Variants in ADAMTS16 observed in about 807,000 individuals in gnomAD.
The protein encoded by ADAMTS16 is ADAM metallopeptidase with thrombospondin type 1 motif 16.
In ADAMTS16, 94 loss-of-function variants were observed where a neutral mutation model predicts 145.8. The ratio of observed to expected loss-of-function variants is 0.64; its 90% CI spans 0.55 to 0.77. The LOEUF (loss-of-function observed/expected upper bound fraction) is 0.77, where lower values mean the gene tolerates loss of function less well. ADAMTS16 is among the 30% of genes least tolerant of loss of function. The pLI is 0.00. For synonymous variants in ADAMTS16, 659 were observed against 604.3 expected (o/e 1.09, Z -1.33); for missense variants, 1,585 against 1,591.5 (o/e 1.00, Z 0.07).
In ADAMTS16 at chr5:5,303,451, C is replaced by A; in HGVS notation, c.2973C>A (p.Ser991Arg). The A allele has an allele frequency of 6.2e-7, 1 of 1,610,700 alleles. No individual in the cohort carries two copies. Among genetic ancestry groups the A allele is most frequent in the Non-Finnish European group, 8.5e-7 (1 of 1,178,258 alleles). ...CTCAGAGCTGCCCACCTGCATGGAG[C>A]GCCGGGCCCTGGGCAGAGGTAACCA... ...CNSQSCPPAW[S>R]AGPWAECSHT... Residue 991 changes from serine (S) to arginine (R), a missense_variant, in exon 19 of 23, where the codon AGC becomes AGA. By Grantham distance (110) the Ser-to-Arg change is moderately radical. Coordinates refer to ENST00000274181, the MANE Select transcript of ADAMTS16 (RefSeq NM_139056.4).
chr5:5,239,429 T>G (rs1426928255), intron 15 of ADAMTS16, among the ~76,000 whole-genome samples, 155 bp downstream of exon 15: 1 of 152,174 alleles, frequency 6.6e-6, no homozygotes, highest in Non-Finnish European at 1.5e-5. Context: ...GCCTCTTGCT[T>G]TGATTGGAAG....
At chr5:5,148,790 C>T (rs1734368860) in intron 3 of ADAMTS16, among the ~76,000 whole-genome samples, 1 of 152,136 alleles carries the variant, frequency 6.6e-6, no homozygotes, top group East Asian at 1.9e-4. Context: ...GCCTAGCAGA[C>T]CTGGGCCCCA....
intron 22 of ADAMTS16, among the ~76,000 whole-genome samples, chr5:5,318,504 C>T (rs1734148506): frequency 6.6e-6 from 1 of 152,184 alleles, no homozygotes; most frequent in African/African-American, 2.4e-5. Context: ...AGCGTGACTT[C>T]TTTCCTATAT....
chr5:5,140,625 C>T (rs1197494997), intron 1 of ADAMTS16, 39 bp from the exon 2 acceptor site: 1 of 1,529,150 alleles, frequency 6.5e-7, no homozygotes. Context: ...TCCCGCGGAC[C>T]CCGCCGTCTC....
chr5:5,270,078 G>A (rs1364391999), intron 18 of ADAMTS16, among the ~76,000 whole-genome samples: 1 of 152,194 alleles, frequency 6.6e-6, no homozygotes, highest in Non-Finnish European at 1.5e-5. Flanking sequence ...GGGAAACTTT[G>A]AGACAATACA....
At chr5:5,152,299 C>T (rs540941727) in intron 3 of ADAMTS16, among the ~76,000 whole-genome samples, 2 of 152,308 alleles carry the variant, frequency 1.3e-5, no homozygotes, top group African/African-American at 4.8e-5. Flanking sequence ...GAGCAGAGCT[C>T]CGGTGGGGAT....
intron 20 of ADAMTS16, among the ~76,000 whole-genome samples, chr5:5,304,978 CACATCCTACACCACACACACACACACAT>C (rs1739978408): frequency 7.1e-6 from 1 of 140,690 alleles, no homozygotes; most frequent in African/African-American, 2.7e-5. Context: ...CACACACACA[CACATCCTACACCACACACACACACACAT>C]CCCACACCAC....
intron 18 of ADAMTS16, among the ~76,000 whole-genome samples, chr5:5,296,281 G>C (rs1304696854): frequency 1.3e-5 from 2 of 152,202 alleles, no homozygotes; most frequent in African/African-American, 4.8e-5. Context: ...TGCAGGACCA[G>C]ACAGCCTGCT....
rs1167346758 is a variant in ADAMTS16 at position 5,215,783 on chromosome 5, ATATATATGTG to A, written c.1605+6539_1605+6548del. Among the ~76,000 whole-genome samples the A allele has an allele frequency of 6.3e-4, 29 of 46,184 alleles. No individual in the cohort carries two copies. In the South Asian group the frequency reaches 6.6e-3, roughly 11 times the overall value. 30.3% of individuals were successfully genotyped at this position (46,184 alleles called of 152,430 possible). Reference sequence around the variant, plus strand: ...TATGTATGTGGTATATATATATGGTATATATATGTGTGGTATATATATGTGTGGTATATAT... The same window carrying A: ...TATGTATGTGGTATATATATATGGTATGGTATATATATGTGTGGTATATAT... On this transcript the variant is annotated intron_variant, in intron 10 of 22. Transcript: ENST00000274181.
chr5:5,213,299 G>A lies in ADAMTS16; in HGVS notation c.1605+4053G>A, dbSNP rs555502262. 1.1e-4 allele frequency among the ~76,000 whole-genome samples: 16 copies of A among 152,168 alleles called. No individual in the cohort carries two copies. In the East Asian group the frequency reaches 3.1e-3, roughly 29 times the overall value. On this transcript the variant is annotated intron_variant, in intron 10 of 22. Coordinates refer to ENST00000274181, the MANE Select transcript of ADAMTS16 (RefSeq NM_139056.4). ...AGAACTTCCTTTAGCATTTATTCTAGCACGTATCTGCTAGCCACAAATTAT... is the reference window on the plus strand; with the variant it reads ...AGAACTTCCTTTAGCATTTATTCTAACACGTATCTGCTAGCCACAAATTAT...
At chr5:5,244,950 T>G (rs1737396177) in intron 17 of ADAMTS16, among the ~76,000 whole-genome samples, 1 of 152,210 alleles carries the variant, frequency 6.6e-6, no homozygotes, top group Non-Finnish European at 1.5e-5. Context: ...TTTCCCCCAA[T>G]AGTCTTAACT....
At chr5:5,284,750 A>G (rs1408210742) in intron 18 of ADAMTS16, among the ~76,000 whole-genome samples, 1 of 152,178 alleles carries the variant, frequency 6.6e-6, no homozygotes, top group Non-Finnish European at 1.5e-5. Context: ...CTTCCAGAAT[A>G]TTTTTAAAAT....
At chr5:5,166,864 C>T (rs891957904) in intron 3 of ADAMTS16, among the ~76,000 whole-genome samples, 1 of 152,164 alleles carries the variant, frequency 6.6e-6, no homozygotes, top group African/African-American at 2.4e-5. Context: ...CAGTGGCTGC[C>T]ACGTGGAACT....
At chr5:5,236,284 C>G (rs917427713) in intron 13 of ADAMTS16, among the ~76,000 whole-genome samples, 1 of 140,074 alleles carries the variant, frequency 7.1e-6, no homozygotes, top group Admixed American at 7.7e-5. Context: ...AAATTTTCAT[C>G]ATTAATTGTC....
chr5:5,198,956 C>A (rs1292517619), intron 8 of ADAMTS16, among the ~76,000 whole-genome samples: 2 of 152,174 alleles, frequency 1.3e-5, no homozygotes, highest in African/African-American at 4.8e-5. Context: ...CTGCATCTCA[C>A]CACATGAGAC....
At chr5:5,271,376 T>C (rs926304012) in intron 18 of ADAMTS16, among the ~76,000 whole-genome samples, 1 of 152,240 alleles carries the variant, frequency 6.6e-6, no homozygotes, top group South Asian at 2.1e-4. Context: ...CGGGGAGCTG[T>C]GCAGCCTGTG....
At chr5:5,301,934 T>C (rs1299791365) in intron 18 of ADAMTS16, among the ~76,000 whole-genome samples, 3 of 152,268 alleles carry the variant, frequency 2.0e-5, no homozygotes, top group East Asian at 3.9e-4. Context: ...AAGGAGGTGG[T>C]GAGGAAGCCA....
chr5:5,179,061 T>A (rs1352303105), intron 3 of ADAMTS16, among the ~76,000 whole-genome samples: 2 of 151,282 alleles, frequency 1.3e-5, no homozygotes, highest in Non-Finnish European at 2.9e-5. Flanking sequence ...ATTCAGCAAA[T>A]CTTGTTTGAA....
In ADAMTS16 at chr5:5,200,107, ATCTCTCTC is replaced by A; in HGVS notation, c.1314-12_1314-5del. 1 of 1,447,256 alleles carries A rather than the reference ATCTCTCTC, an allele frequency of 6.9e-7. No individual in the cohort carries two copies. The highest frequency in any genetic ancestry group is 2.5e-5 in the East Asian group (1 of 39,366). 89.7% of individuals were successfully genotyped at this position (1,447,256 alleles called of 1,614,324 possible). On this transcript the variant is annotated splice_polypyrimidine_tract_variant and intron_variant, in intron 8 of 22. Transcript: ENST00000274181. ...AAACTGTTTTTGTTCTGAAAGAACC[ATCTCTCTC>A]TCTCTCTCTCTCATAGCTTTGGCAT...
Sources: allele counts gnomAD v4.1 joint callset (sites outside exome capture counted in the v4.1 genomes callset), GRCh38; gene constraint gnomAD v4.1.1; transcripts MANE v1.5; gene names NCBI Gene and HGNC (gene_info 2026-07-23, HGNC 2026-07-21).